Variants in RASA1 observed in about 807,000 individuals in gnomAD.
The protein encoded by RASA1 is RAS p21 protein activator 1, also known as ras GTPase-activating protein 1.
In RASA1, 25 loss-of-function variants were observed where a neutral mutation model predicts 132.2. The ratio of observed to expected loss-of-function variants is 0.19; its 90% CI spans 0.14 to 0.26. The LOEUF (loss-of-function observed/expected upper bound fraction) is 0.26, where lower values mean the gene tolerates loss of function less well. RASA1 is among the 10% of genes least tolerant of loss of function. The pLI is 1.00. For missense variants in RASA1, 964 were observed against 1,299.2 expected, an observed-to-expected ratio of 0.74 and a Z score of 3.97; for synonymous variants, 477 against 449.9, an observed-to-expected ratio of 1.06 and a Z score of -0.76.
intron 12 of RASA1, among the ~76,000 whole-genome samples, chr5:87,371,864 G>A (rs1012582289): frequency 9.9e-5 from 15 of 151,730 alleles, no homozygotes; most frequent in African/African-American, 2.7e-4. Context: ...ATGGCCACTC[G>A]ATGTGTTTCA....
At chr5:87,333,451 G>GA in intron 4 of RASA1, 114 bp downstream of exon 4, 2 of 1,484,422 alleles carry the variant, frequency 1.3e-6, no homozygotes, top group Non-Finnish European at 1.8e-6. Flanking sequence ...ACAGCAAGGT[G>GA]AAAGAGCTTT....
chr5:87,366,331 G>C (rs1459160972), intron 11 of RASA1: 5 of 400,254 alleles, frequency 1.2e-5, no homozygotes, highest in Non-Finnish European at 2.6e-5. Flanking sequence ...GCATTATTTT[G>C]ATATAGTTTA....
At chr5:87,388,294 G>A (rs1225268513) in intron 23 of RASA1, among the ~76,000 whole-genome samples, 1 of 152,124 alleles carries the variant, frequency 6.6e-6, no homozygotes, top group Non-Finnish European at 1.5e-5. Context: ...TTTTAGCAAT[G>A]TAAAGCAAAT....
intron 1 of RASA1, among the ~76,000 whole-genome samples, chr5:87,305,037 T>A (rs888773452): frequency 6.6e-6 from 1 of 152,000 alleles, no homozygotes; most frequent in Non-Finnish European, 1.5e-5. Flanking sequence ...AGGATATTGT[T>A]TCTGTGCATT....
intron 1 of RASA1, among the ~76,000 whole-genome samples, chr5:87,303,049 T>C (rs1365358420): frequency 6.6e-6 from 1 of 152,166 alleles, no homozygotes; most frequent in Non-Finnish European, 1.5e-5. Flanking sequence ...AGTTGACCCA[T>C]TTCCGTCAAG....
Position 87,386,808 on chromosome 5 carries a change from A to T in RASA1, c.2848-18A>T, listed in dbSNP as rs754889152. The T allele has an allele frequency of 6.2e-7, 1 of 1,606,342 alleles. No homozygotes were observed. The highest frequency in any genetic ancestry group is 2.2e-5 in the East Asian group (1 of 44,750). Reference sequence around the variant, plus strand: ...GGTTTGTTTCTGGTGCATATAACAGAAGCATTTTATTTTTCAGGAGCCCTA... The same window carrying T: ...GGTTTGTTTCTGGTGCATATAACAGTAGCATTTTATTTTTCAGGAGCCCTA... On this transcript the variant is annotated intron_variant, in intron 22 of 24. Coordinates refer to ENST00000274376, the MANE Select transcript of RASA1 (RefSeq NM_002890.3).
At position 87,281,299 on chromosome 5, in the gene RASA1, A is replaced by G. The variant is rs982341119; in HGVS notation, c.539+12309A>G. The stretch of plus-strand genomic sequence containing the variant: ...CTCTTGTTGCCCAGGCTGAAGTGCA[A>G]TGGCGTGATCTCGTCTCACTGCAAT... On this transcript the variant is annotated intron_variant, in intron 1 of 24. Transcript: ENST00000274376. Among the ~76,000 whole-genome samples, 11 of 150,694 alleles carry G rather than the reference A, an allele frequency of 7.3e-5. No homozygotes were observed. The Middle Eastern group carries it at 0.01, about 141-fold the overall frequency.
Position 87,390,904 on chromosome 5 carries a change from T to G in RASA1, c.*21T>G, listed in dbSNP as rs754627862. The G allele has an allele frequency of 6.3e-7, 1 of 1,586,066 alleles. No homozygotes were observed. Among genetic ancestry groups the G allele is most frequent in the Admixed American group, 1.7e-5 (1 of 59,954 alleles). On this transcript the variant is annotated 3_prime_UTR_variant, in exon 25 of 25. Coordinates refer to ENST00000274376, the MANE Select transcript of RASA1 (RefSeq NM_002890.3). ...GGTAGCAGCCTTCGCCCCAGTGTTC[T>G]GCATGGATTCAGCATGTCCAACATG...
chr5:87,338,535 A>ATTTTTTTTT (rs1561292521), intron 5 of RASA1, among the ~76,000 whole-genome samples: 21 of 95,892 alleles, frequency 2.2e-4, no homozygotes, highest in African/African-American at 9.6e-4. Context: ...ATATATATAA[A>ATTTTTTTTT]ATTTTTTTTT....
At position 87,305,849 on chromosome 5, in the gene RASA1, G is replaced by A. The variant is rs145900987; in HGVS notation, c.540-25499G>A. 8.1e-3 allele frequency among the ~76,000 whole-genome samples: 1,231 copies of A among 152,282 alleles called. 42 individuals are homozygous for A. The highest frequency in any genetic ancestry group is 0.06 in the Admixed American group (921 of 15,298). On this transcript the variant is annotated intron_variant, in intron 1 of 24. Coordinates refer to ENST00000274376, the MANE Select transcript of RASA1 (RefSeq NM_002890.3). ...GAAGAGACATGTTTCAAAAGAAGAC[G>A]TACTTGCGGGCAAGAATCAGATGAA...
At chr5:87,288,362 C>T (rs759296566) in intron 1 of RASA1, among the ~76,000 whole-genome samples, 2 of 151,934 alleles carry the variant, frequency 1.3e-5, no homozygotes, top group Admixed American at 6.6e-5. Flanking sequence ...CCTTCTCAAA[C>T]AGTGGCAGCA....
chr5:87,324,005 T>C (rs902604542), intron 1 of RASA1, among the ~76,000 whole-genome samples: 9 of 152,206 alleles, frequency 5.9e-5, no homozygotes, highest in African/African-American at 1.2e-4. Context: ...TTTACTGTTA[T>C]ATTCTACCAT....
At chr5:87,308,900 C>G (rs1755742476) in intron 1 of RASA1, among the ~76,000 whole-genome samples, 1 of 152,074 alleles carries the variant, frequency 6.6e-6, no homozygotes, top group Non-Finnish European at 1.5e-5. Context: ...TGTATGTATA[C>G]TTTATGATGT....
At chr5:87,372,011 T>C in intron 12 of RASA1, 107 bp from the exon 13 acceptor site, 1 of 833,848 alleles carries the variant, frequency 1.2e-6, no homozygotes, top group Non-Finnish European at 1.9e-6. Context: ...GAAATGGCAG[T>C]CTAGAGAAGG....
chr5:87,325,602 A>G (rs1005482754), intron 1 of RASA1, among the ~76,000 whole-genome samples: 1 of 152,220 alleles, frequency 6.6e-6, no homozygotes, highest in Non-Finnish European at 1.5e-5. Context: ...GGATTTCTGC[A>G]TGTATGTTTC....
chr5:87,305,254 C>A (rs1203129529), intron 1 of RASA1, among the ~76,000 whole-genome samples: 1 of 152,112 alleles, frequency 6.6e-6, no homozygotes, highest in Non-Finnish European at 1.5e-5. Context: ...AGCTATACCA[C>A]AGAGCTCCTG....
At chr5:87,358,283 G>A (rs1759803801) in intron 9 of RASA1, among the ~76,000 whole-genome samples, 1 of 152,086 alleles carries the variant, frequency 6.6e-6, no homozygotes, top group South Asian at 2.1e-4. Flanking sequence ...TAATAAAAAT[G>A]CCTTACATTT....
At chr5:87,382,966 ACCTGTAGT>A (rs1761825233) in intron 20 of RASA1, among the ~76,000 whole-genome samples, 1 of 151,684 alleles carries the variant, frequency 6.6e-6, no homozygotes, top group Admixed American at 6.6e-5. Context: ...GGTGATGTGC[ACCTGTAGT>A]CCTAACTACT....
At position 87,268,463 on chromosome 5, in the gene RASA1, C is replaced by A. The variant is rs745761730; in HGVS notation, c.12C>A (p.Ala4=). 1 of 1,546,458 alleles carries A rather than the reference C, an allele frequency of 6.5e-7. No individual in the cohort carries two copies. The highest frequency in any genetic ancestry group is 8.7e-7 in the Non-Finnish European group (1 of 1,145,882). ...GAGCGGGCTTCAACATGATGGCGGCCGAGGCCGGCAGTGAGGAGGGCGGCC... is the reference window on the plus strand; with the variant it reads ...GAGCGGGCTTCAACATGATGGCGGCAGAGGCCGGCAGTGAGGAGGGCGGCC... The part of the protein sequence containing the change: MMA[A]EAGSEEGGPV... The change falls in exon 1 of 25, where the codon GCC becomes GCA. Residue 4 remains alanine (A), a synonymous_variant. Transcript: ENST00000274376.
Sources: gnomAD v4.1 joint callset for allele counts (sites outside exome capture counted in the v4.1 genomes callset) on GRCh38, gnomAD v4.1.1 for gene constraint, MANE v1.5 for transcripts, NCBI Gene and HGNC (gene_info 2026-07-23, HGNC 2026-07-21) for gene names.